Variants in RBM33 observed in about 807,000 individuals in gnomAD.
RBM33 encodes the protein RNA-binding protein 33.
Under a neutral mutation model 132.6 loss-of-function variants are expected in RBM33, and 28 were observed. The observed-to-expected ratio is 0.21, with a 90% confidence interval of 0.16 to 0.29. RBM33 has a LOEUF of 0.29. Among genes scored for constraint, RBM33 ranks in the 10% least tolerant of loss-of-function variants. RBM33 has a pLI of 1.00. For missense variants in RBM33, 1,291 were observed against 1,518.5 expected, an observed-to-expected ratio of 0.85 and a Z score of 2.49; for synonymous variants, 634 against 593.0, an observed-to-expected ratio of 1.07 and a Z score of -1.01.
chr7:155,696,036 C>T (rs1009476588), intron 5 of RBM33, among the ~76,000 whole-genome samples: 1 of 152,176 alleles, frequency 6.6e-6, no homozygotes, highest in Non-Finnish European at 1.5e-5. Context: ...TTTGGAGTGC[C>T]ACAGTGCTTG....
chr7:155,731,222 G>A lies in RBM33; in HGVS notation c.1261-6308G>A, dbSNP rs117079360. Among the ~76,000 whole-genome samples, 97 of 152,248 alleles carry A rather than the reference G, an allele frequency of 6.4e-4. 2 individuals are homozygous for A. The East Asian group carries it at 0.015, about 23-fold the overall frequency. ...AGGACTTGAAATTAGCTGCCTGATGGAAGGTAGGAAAGAAGGTTTATAAAG... is the reference window on the plus strand; with the variant it reads ...AGGACTTGAAATTAGCTGCCTGATGAAAGGTAGGAAAGAAGGTTTATAAAG... On this transcript the variant is annotated intron_variant, in intron 9 of 17. Transcript: ENST00000401878.
chr7:155,711,143 A>T, intron 7 of RBM33, 60 bp from the exon 8 acceptor site: 1 of 1,438,078 alleles, frequency 7.0e-7, no homozygotes, highest in East Asian at 2.7e-5. Flanking sequence ...GATTTCGGTG[A>T]ACTTTTGTTT....
In RBM33 at chr7:155,718,404, G is replaced by A. The variant is rs114835768; in HGVS notation, c.1221G>A (p.Pro407=). ...TTGCAGTGCCCTTGCTACCAGTTCC[G>A]AGCCAGCCGAGACCTGCCGTGGGAC... ...TPVQVPLLPV[P]SQPRPAVGPQ... The change falls in exon 9 of 18, where the codon CCG becomes CCA. Residue 407 remains proline (P), a synonymous_variant. Transcript: ENST00000401878. The A allele has an allele frequency of 7.8e-4, 1,262 of 1,613,758 alleles. 13 individuals are homozygous for A. In the African/African-American group the frequency reaches 0.015, roughly 19 times the overall value.
intron 1 of RBM33, among the ~76,000 whole-genome samples, chr7:155,651,704 C>T (rs767027430): frequency 5.9e-5 from 9 of 151,860 alleles, no homozygotes; most frequent in Non-Finnish European, 8.8e-5. Context: ...TGCCTCTTCT[C>T]GGCTACCCAA....
intron 16 of RBM33, among the ~76,000 whole-genome samples, chr7:155,770,013 G>A (rs1039596824): frequency 1.3e-5 from 2 of 152,202 alleles, no homozygotes; most frequent in South Asian, 2.1e-4. Flanking sequence ...CTTTAGAGGA[G>A]AAGCATGCGT....
chr7:155,711,341 C>T lies in RBM33; in HGVS notation c.1087C>T (p.Pro363Ser), dbSNP rs1334204239. 1.2e-6 allele frequency: 2 copies of T among 1,604,328 alleles called. No individual in the cohort carries two copies. The highest frequency in any genetic ancestry group is 1.7e-6 in the Non-Finnish European group (2 of 1,175,622). ...CCCGCCTCAGGGAATGCACATGCCT[C>T]CCCAGCTAGAGACCCCAAGGATGAT... ...PSPPQGMHMP[P>S]QLETPRMMMT... Residue 363 changes from proline to serine, a missense_variant, in exon 8 of 18, where the codon CCC becomes TCC. Pro to Ser is a moderately conservative substitution (Grantham distance 74, BLOSUM62 -1). Around this residue, in one of 7 missense-constraint regions of RBM33, gnomAD observed 146 missense variants for 137.1 expected, o/e 1.07. Coordinates refer to ENST00000401878, the MANE Select transcript of RBM33 (RefSeq NM_053043.3).
At chr7:155,765,369 G>T (rs1387022733) in intron 15 of RBM33, among the ~76,000 whole-genome samples, 3 of 152,192 alleles carry the variant, frequency 2.0e-5, no homozygotes, top group African/African-American at 7.2e-5. Flanking sequence ...TTCCAGTGTG[G>T]TTTCTCTTGA....
intron 6 of RBM33, among the ~76,000 whole-genome samples, chr7:155,705,975 AATG>A (rs778027447): frequency 5.3e-5 from 8 of 152,234 alleles, no homozygotes; most frequent in African/African-American, 1.9e-4. Flanking sequence ...AAAAAATTGA[AATG>A]ATATGTATTA....
intron 9 of RBM33, among the ~76,000 whole-genome samples, chr7:155,729,051 G>A (rs1042476642): frequency 1.3e-5 from 2 of 152,148 alleles, no homozygotes; most frequent in African/African-American, 2.4e-5. Flanking sequence ...TCACAGTTCC[G>A]CATGGCTGGA....
At chr7:155,715,310 G>A (rs991930357) in intron 8 of RBM33, among the ~76,000 whole-genome samples, 4 of 152,196 alleles carry the variant, frequency 2.6e-5, no homozygotes, top group Non-Finnish European at 5.9e-5. Context: ...GCTTATGCTA[G>A]CATCTGTTAT....
rs373386188 is a variant in RBM33 at position 155,680,768 on chromosome 7, C to T, written c.427C>T (p.Pro143Ser). ...ATCAGAATTGTATACTCAAGAGTAC[C>T]CAGAAGAAGGACAGTATGAAGGCCA... ...DGSELYTQEY[P>S]EEGQYEGHEA... The change falls in exon 5 of 18, where the codon CCA becomes TCA. Residue 143 changes from proline (P) to serine (S), a missense_variant. Coordinates refer to ENST00000401878, the MANE Select transcript of RBM33 (RefSeq NM_053043.3). The T allele has an allele frequency of 4.0e-5, 64 of 1,613,392 alleles. No homozygotes were observed. In the Middle Eastern group the frequency reaches 5.0e-4, roughly 12 times the overall value.
chr7:155,663,415 A>C (rs1798710223), intron 1 of RBM33, among the ~76,000 whole-genome samples: 2 of 151,972 alleles, frequency 1.3e-5, no homozygotes, highest in African/African-American at 4.8e-5. Flanking sequence ...TGGAAGGCCA[A>C]GCAGGAACAG....
At chr7:155,672,589 T>C (rs1282165527) in intron 2 of RBM33, among the ~76,000 whole-genome samples, 3 of 152,028 alleles carry the variant, frequency 2.0e-5, no homozygotes, top group Non-Finnish European at 4.4e-5. Flanking sequence ...ATCCCGTCTC[T>C]ACTAAAGATA....
rs1398686323 is a variant in RBM33 at position 155,672,602 on chromosome 7, C to T, written c.123-265C>T. On this transcript the variant is annotated intron_variant, in intron 2 of 17. Transcript: ENST00000401878. ...AAATCCCGTCTCTACTAAAGATACA[C>T]AAAATTAGCCGGGCATAATGTAATC... Among the ~76,000 whole-genome samples the T allele has an allele frequency of 2.0e-5, 3 of 151,924 alleles. 1 individual carries two copies. Among genetic ancestry groups the T allele is most frequent in the Admixed American group, 1.3e-4 (2 of 15,242 alleles).
At chr7:155,725,129 T>C (rs1563162180) in intron 9 of RBM33, among the ~76,000 whole-genome samples, 1 of 151,638 alleles carries the variant, frequency 6.6e-6, no homozygotes, top group Non-Finnish European at 1.5e-5. Context: ...TAAGACAGAC[T>C]GTATGCTTTT....
intron 3 of RBM33, among the ~76,000 whole-genome samples, chr7:155,673,971 T>TTTTTTTTTTTTTTC (rs1799103481): frequency 7.3e-6 from 1 of 136,764 alleles, no homozygotes; most frequent in Non-Finnish European, 1.6e-5. Flanking sequence ...TTTTTTTTTT[T>TTTTTTTTTTTTTTC]TGAGACACAG....
chr7:155,717,247 C>A (rs1011828409), intron 8 of RBM33, among the ~76,000 whole-genome samples: 1 of 152,118 alleles, frequency 6.6e-6, no homozygotes, highest in Admixed American at 6.5e-5. Context: ...CTCGCAGTTC[C>A]GGAGGCTGGA....
chr7:155,659,583 C>T (rs1019296890), intron 1 of RBM33, among the ~76,000 whole-genome samples: 7 of 151,884 alleles, frequency 4.6e-5, no homozygotes, highest in Non-Finnish European at 8.8e-5. Flanking sequence ...TGAACAGAGT[C>T]TAAAGGACCT....
chr7:155,738,605 G>A (rs976360830), intron 11 of RBM33: 27 of 582,980 alleles, frequency 4.6e-5, no homozygotes, highest in Non-Finnish European at 6.8e-5. Context: ...ATGGGAAAAT[G>A]TCATTTTTTG....
Sources: gnomAD v4.1 joint callset for allele counts (sites outside exome capture counted in the v4.1 genomes callset) on GRCh38, gnomAD v4.1.1 for gene constraint, gnomAD v4.1.1 regional missense constraint, MANE v1.5 for transcripts, NCBI Gene and HGNC (gene_info 2026-07-23, HGNC 2026-07-21) for gene names.